LRTM3: variants seen among roughly 807,000 people sequenced by gnomAD.
LRTM3 encodes the protein leucine-rich repeat transmembrane protein 3.
the LRTM3 span, chr13:102,744,187 A>G: frequency 6.4e-7 from 1 of 1,550,504 alleles, no homozygotes; most frequent in African/African-American, 1.4e-5. Context: ...TTATGATATT[A>G]AACAACTGCA....
chr13:102,738,817 A>C, the LRTM3 span: 2 of 1,550,196 alleles, frequency 1.3e-6, no homozygotes, highest in East Asian at 4.9e-5. Flanking sequence ...TATCTTCCTG[A>C]ATCTTTCCTC....
At chr13:102,757,360 TCA>T in the LRTM3 span, among the ~76,000 whole-genome samples, 1 of 74,480 alleles carries the variant, frequency 1.3e-5, no homozygotes, top group South Asian at 5.0e-4. Flanking sequence ...ATCCTCTGAT[TCA>T]CACAGTGACT....
chr13:102,740,110 CT>C, the LRTM3 span: 4 of 1,548,122 alleles, frequency 2.6e-6, no homozygotes, highest in African/African-American at 1.4e-5. Context: ...CTTTTTGTAC[CT>C]TTTCATTTGC....
At chr13:102,750,006 C>T in the LRTM3 span, 5 of 1,550,018 alleles carry the variant, frequency 3.2e-6, no homozygotes, top group Non-Finnish European at 4.4e-6. Flanking sequence ...CAAGGTGCCA[C>T]ATCTAGATCT....
chr13:102,735,517 C>T, the LRTM3 span: 17 of 1,550,904 alleles, frequency 1.1e-5, no homozygotes, highest in African/African-American at 2.3e-4. Flanking sequence ...TTTTATCTTC[C>T]TGAATCTTTC....
At chr13:102,740,574 A>G in the LRTM3 span, 1 of 1,549,174 alleles carries the variant, frequency 6.5e-7, no homozygotes, top group Middle Eastern at 1.7e-4. Flanking sequence ...TTTTGAGTAT[A>G]TCCAACTATG....
chr13:102,738,416 G>A, the LRTM3 span: 1 of 1,550,686 alleles, frequency 6.4e-7, no homozygotes, highest in South Asian at 1.2e-5. Flanking sequence ...TAAATGAGAA[G>A]GAGAAGGAAT....
chr13:102,741,810 G>A, the LRTM3 span: 9 of 1,550,250 alleles, frequency 5.8e-6, no homozygotes, highest in African/African-American at 9.6e-5. Flanking sequence ...TGTGCAATGA[G>A]GAATTCAAGT....
the LRTM3 span, chr13:102,734,319 G>A: frequency 6.4e-7 from 1 of 1,551,362 alleles, no homozygotes; most frequent in East Asian, 2.4e-5. Context: ...ATTAGTGGAA[G>A]TACAAAGGAT....
At chr13:102,742,485 T>C in the LRTM3 span, 1 of 1,550,058 alleles carries the variant, frequency 6.5e-7, no homozygotes, top group Non-Finnish European at 8.7e-7. Context: ...TTAAATTCTT[T>C]CTTGTTTTCA....
the LRTM3 span, chr13:102,736,086 G>T: frequency 6.5e-7 from 1 of 1,541,462 alleles, no homozygotes; most frequent in African/African-American, 1.4e-5. Context: ...TTTGCTTTTA[G>T]TATTACTTTA....
chr13:102,729,985 T>C, the LRTM3 span: 4 of 1,551,872 alleles, frequency 2.6e-6, no homozygotes, highest in African/African-American at 1.4e-5. Flanking sequence ...TGGTAGTCCA[T>C]GAAATCTTCT....
At chr13:102,742,270 T>C in the LRTM3 span, 1 of 1,550,362 alleles carries the variant, frequency 6.5e-7, no homozygotes, top group Non-Finnish European at 8.7e-7. Context: ...CTGTTATTCT[T>C]TTTGCCTTCA....
chr13:102,747,647 A>G, the LRTM3 span: 2 of 1,551,038 alleles, frequency 1.3e-6, no homozygotes, highest in Admixed American at 2.0e-5. Context: ...TGTTTCAATT[A>G]AAAGTTCACC....
At chr13:102,742,157 C>T in the LRTM3 span, 3 of 1,550,398 alleles carry the variant, frequency 1.9e-6, no homozygotes, top group African/African-American at 1.4e-5. Flanking sequence ...CTTTAGAACT[C>T]GATGTACTGC....
chr13:102,740,503 G>A, the LRTM3 span: 2 of 1,550,020 alleles, frequency 1.3e-6, no homozygotes, highest in Non-Finnish European at 1.7e-6. Flanking sequence ...AGTTCTCATA[G>A]GAAATTGGTA....
At chr13:102,744,547 AGTTTCTCTAAAGT>A in the LRTM3 span, 1 of 1,550,560 alleles carries the variant, frequency 6.4e-7, no homozygotes, top group Non-Finnish European at 8.7e-7. Context: ...GCTCTAAAAC[AGTTTCTCTAAAGT>A]GTGTTTCTTG....
At chr13:102,756,866 C>T in the LRTM3 span, among the ~76,000 whole-genome samples, 35 of 152,024 alleles carry the variant, frequency 2.3e-4, no homozygotes, top group South Asian at 6.2e-4. Flanking sequence ...TTTCCCTTAA[C>T]GCCCCCTAGA....
chr13:102,730,637 G>A, the LRTM3 span: 404 of 1,552,050 alleles, frequency 2.6e-4, no homozygotes, highest in African/African-American at 4.7e-3. Flanking sequence ...GATGAGTGAT[G>A]AGTTTTCATG....
Sources: allele counts gnomAD v4.1 joint callset (sites outside exome capture counted in the v4.1 genomes callset), GRCh38; gene constraint gnomAD v4.1.1; transcripts MANE v1.5; gene names NCBI Gene and HGNC (gene_info 2026-07-23, HGNC 2026-07-21).